The following PTPRG variants were observed in gnomAD, a reference collection of about 807,000 sequenced individuals.
PTPRG encodes receptor-type tyrosine-protein phosphatase gamma.
Under a neutral mutation model 165.3 loss-of-function variants are expected in PTPRG, and 102 were observed. That is an observed-to-expected ratio of 0.62 (90% CI 0.53 to 0.73). The LOEUF is 0.73. PTPRG is among the 30% of genes least tolerant of loss of function. PTPRG has a pLI of 0.00. For synonymous variants in PTPRG, 675 were observed against 669.5 expected, an observed-to-expected ratio of 1.01 and a Z score of -0.13; for missense variants, 1,866 against 1,861.4, an observed-to-expected ratio of 1.00 and a Z score of -0.05.
chr3:61,759,217 C>T (rs1178203081), intron 2 of PTPRG, among the ~76,000 whole-genome samples: 1 of 152,090 alleles, frequency 6.6e-6, no homozygotes, highest in Non-Finnish European at 1.5e-5. Flanking sequence ...ACTTTAAGGC[C>T]CATTTTCTGT....
At chr3:61,996,827 C>G (rs111818219) in intron 3 of PTPRG, among the ~76,000 whole-genome samples, 1 of 152,134 alleles carries the variant, frequency 6.6e-6, no homozygotes, top group African/African-American at 2.4e-5. Flanking sequence ...CACTGGGTCA[C>G]TCTTTGGCTA....
At chr3:62,006,778 G>A (rs2107729943) in intron 4 of PTPRG, among the ~76,000 whole-genome samples, 1 of 152,218 alleles carries the variant, frequency 6.6e-6, no homozygotes, top group South Asian at 2.1e-4. Flanking sequence ...TTTCTAGTTG[G>A]TAGAGGCCAG....
intron 17 of PTPRG, among the ~76,000 whole-genome samples, chr3:62,264,376 C>G (rs1010818229): frequency 6.6e-6 from 1 of 151,896 alleles, no homozygotes; most frequent in Non-Finnish European, 1.5e-5. Flanking sequence ...CGGAGTTGTA[C>G]GATCATCACC....
intron 4 of PTPRG, among the ~76,000 whole-genome samples, chr3:62,066,296 C>G (rs970973248): frequency 3.9e-5 from 6 of 152,170 alleles, no homozygotes; most frequent in African/African-American, 4.8e-5. Context: ...TCTTGTATTT[C>G]AAAATGGGAG....
intron 1 of PTPRG, among the ~76,000 whole-genome samples, chr3:61,643,729 A>G (rs1468029643): frequency 6.6e-6 from 1 of 151,708 alleles, no homozygotes; most frequent in Non-Finnish European, 1.5e-5. Flanking sequence ...GCACCAGTGC[A>G]CTCCAGCCTG....
intron 2 of PTPRG, among the ~76,000 whole-genome samples, chr3:61,980,600 C>T (rs571837541): frequency 1.3e-5 from 2 of 152,202 alleles, no homozygotes; most frequent in East Asian, 1.9e-4. Context: ...GTGAAAACAT[C>T]GAATAATTTA....
chr3:61,657,526 C>T (rs1253083668), intron 1 of PTPRG, among the ~76,000 whole-genome samples: 1 of 152,154 alleles, frequency 6.6e-6, no homozygotes, highest in Non-Finnish European at 1.5e-5. Context: ...TGTAGTCCCA[C>T]TACTCAGGAG....
At chr3:61,681,377 C>G (rs767941817) in intron 1 of PTPRG, among the ~76,000 whole-genome samples, 4 of 152,174 alleles carry the variant, frequency 2.6e-5, no homozygotes, top group Admixed American at 6.5e-5. Flanking sequence ...CAGCCTTGAC[C>G]CTGCAATCTG....
intron 2 of PTPRG, among the ~76,000 whole-genome samples, chr3:61,830,566 G>GTTTTTTT (rs57644199): frequency 1.6e-3 from 140 of 86,526 alleles, no homozygotes; most frequent in Non-Finnish European, 2.4e-3. Flanking sequence ...TTTTGTTTTT[G>GTTTTTTT]TTTTTTTTTT....
Position 62,017,715 on chromosome 3 carries a change from C to T in PTPRG, c.519+14218C>T, listed in dbSNP as rs572721746. Among the ~76,000 whole-genome samples, 8 of 152,050 alleles carry T rather than the reference C, an allele frequency of 5.3e-5. No individual in the cohort carries two copies. In the South Asian group the frequency reaches 1.0e-3, roughly 20 times the overall value. ...CTGGGATTACAGGCGTGAGCCACCG[C>T]GCCCGGCTCAGAAAATGATCTTTTT... On this transcript the variant is annotated intron_variant, in intron 4 of 29. Coordinates refer to ENST00000474889, the MANE Select transcript of PTPRG (RefSeq NM_002841.4).
chr3:61,949,981 C>T (rs561701005), intron 2 of PTPRG, among the ~76,000 whole-genome samples: 2 of 152,278 alleles, frequency 1.3e-5, no homozygotes, highest in South Asian at 4.2e-4. Context: ...CTCTTGACCT[C>T]ATGATCCGCC....
At chr3:62,266,331 TTC>T (rs1701872796) in intron 17 of PTPRG, among the ~76,000 whole-genome samples, 3 of 152,124 alleles carry the variant, frequency 2.0e-5, no homozygotes. Context: ...ATGAAAAACC[TTC>T]TCTCAGATTC....
chr3:61,785,146 C>T (rs2034656033), intron 2 of PTPRG, among the ~76,000 whole-genome samples: 1 of 152,190 alleles, frequency 6.6e-6, no homozygotes, highest in Non-Finnish European at 1.5e-5. Context: ...TTTTTCCAAG[C>T]CACGTTTGTG....
intron 2 of PTPRG, among the ~76,000 whole-genome samples, chr3:61,930,778 G>A (rs977034581): frequency 3.3e-5 from 5 of 152,184 alleles, no homozygotes; most frequent in African/African-American, 1.2e-4. Context: ...AAGGCAGTGC[G>A]GCCAGGCGCA....
At chr3:61,681,378 C>G (rs1703435271) in intron 1 of PTPRG, among the ~76,000 whole-genome samples, 1 of 152,324 alleles carries the variant, frequency 6.6e-6, no homozygotes, top group African/African-American at 2.4e-5. Flanking sequence ...AGCCTTGACC[C>G]TGCAATCTGC....
At chr3:61,604,478 A>T (rs965610240) in intron 1 of PTPRG, among the ~76,000 whole-genome samples, 1 of 152,208 alleles carries the variant, frequency 6.6e-6, no homozygotes, top group Non-Finnish European at 1.5e-5. Flanking sequence ...ATACAAATAA[A>T]CATTAAAGGC....
intron 1 of PTPRG, among the ~76,000 whole-genome samples, chr3:61,653,431 C>T (rs1487037442): frequency 6.6e-6 from 1 of 150,638 alleles, no homozygotes; most frequent in East Asian, 2.0e-4. Flanking sequence ...GTCTACTTTT[C>T]TGTCATTTTA....
chr3:62,116,946 CAATAATTTTAA>C (rs1372332895), intron 5 of PTPRG, among the ~76,000 whole-genome samples: 2 of 152,156 alleles, frequency 1.3e-5, no homozygotes, highest in Non-Finnish European at 2.9e-5. Flanking sequence ...AATGCACAGG[CAATAATTTTAA>C]AATAATTTTA....
chr3:62,211,949 T>C (rs1700368108), intron 12 of PTPRG, among the ~76,000 whole-genome samples: 1 of 152,090 alleles, frequency 6.6e-6, no homozygotes, highest in East Asian at 1.9e-4. Flanking sequence ...GAAAACTGTT[T>C]TTCTTTTCTT....
Sources: gnomAD v4.1 joint callset for allele counts (sites outside exome capture counted in the v4.1 genomes callset) on GRCh38, gnomAD v4.1.1 for gene constraint, MANE v1.5 for transcripts, NCBI Gene and HGNC (gene_info 2026-07-23, HGNC 2026-07-21) for gene names.